Variants in WDPCP observed in about 807,000 individuals in gnomAD.
WDPCP encodes the protein WD repeat-containing and planar cell polarity effector protein fritz homolog.
In WDPCP, 71 loss-of-function variants were observed where a neutral mutation model predicts 93.1. That is an observed-to-expected ratio of 0.76 (90% CI 0.63 to 0.93). WDPCP has a LOEUF of 0.93. WDPCP is among the 40% of genes least tolerant of loss of function. WDPCP has a pLI of 0.00. For synonymous variants in WDPCP, 315 were observed against 315.0 expected, an observed-to-expected ratio of 1.00 and a Z score of 0.00; for missense variants, 844 against 887.4, an observed-to-expected ratio of 0.95 and a Z score of 0.62.
intron 14 of WDPCP, among the ~76,000 whole-genome samples, chr2:63,188,957 G>C (rs996509628): frequency 2.6e-5 from 4 of 152,174 alleles, no homozygotes; most frequent in African/African-American, 9.7e-5. Context: ...ACTGTGACCA[G>C]TCAGGCTGGC....
At chr2:63,735,199 A>G (rs1669621791) in intron 2 of WDPCP, among the ~76,000 whole-genome samples, 1 of 152,216 alleles carries the variant, frequency 6.6e-6, no homozygotes, top group South Asian at 2.1e-4. Flanking sequence ...GATAGCTCCT[A>G]TGATAGAGAT....
intron 6 of WDPCP, among the ~76,000 whole-genome samples, chr2:63,464,678 C>A (rs544245890): frequency 8.6e-4 from 131 of 151,836 alleles, no homozygotes; most frequent in African/African-American, 3.1e-3. Flanking sequence ...ATGTAGATAC[C>A]CATACACTGG....
intron 3 of WDPCP, chr2:63,606,047 AT>A (rs1280226477): frequency 1.9e-6 from 3 of 1,597,084 alleles, no homozygotes; most frequent in Admixed American, 3.3e-5. Context: ...TTTTGGAGCT[AT>A]TTCCCTTCTT....
intron 1 of WDPCP, among the ~76,000 whole-genome samples, chr2:63,559,578 C>A (rs1706424495): frequency 1.3e-5 from 2 of 152,166 alleles, no homozygotes; most frequent in Non-Finnish European, 2.9e-5. Context: ...TGCAAAGTTT[C>A]AAGATACAAA....
At chr2:63,436,090 A>G (rs896594202) in intron 8 of WDPCP, among the ~76,000 whole-genome samples, 1 of 152,090 alleles carries the variant, frequency 6.6e-6, no homozygotes, top group South Asian at 2.1e-4. Flanking sequence ...CCAGAATTTT[A>G]TATATACTTA....
At chr2:63,527,358 TC>T (rs1265262818) in intron 1 of WDPCP, among the ~76,000 whole-genome samples, 1 of 143,222 alleles carries the variant, frequency 7.0e-6, no homozygotes, top group Non-Finnish European at 1.5e-5. Context: ...GTCCTAATGC[TC>T]TCCCTCCCCC....
intron 3 of WDPCP, chr2:63,605,307 A>C: frequency 1.2e-6 from 2 of 1,614,126 alleles, no homozygotes; most frequent in Non-Finnish European, 1.7e-6. Context: ...CGCTGCTGTC[A>C]TCAAGGCTCG....
chr2:63,130,448 C>T (rs1240898646), intron 17 of WDPCP, among the ~76,000 whole-genome samples: 1 of 151,988 alleles, frequency 6.6e-6, no homozygotes, highest in Non-Finnish European at 1.5e-5. Context: ...TTTAGGTTCT[C>T]GATTCTGTTC....
chr2:63,254,512 A>C (rs1052522640), intron 14 of WDPCP, among the ~76,000 whole-genome samples: 1 of 152,140 alleles, frequency 6.6e-6, no homozygotes, highest in African/African-American at 2.4e-5. Flanking sequence ...ATATTAATAT[A>C]AACTTTAAAA....
Position 63,350,976 on chromosome 2 carries a change from T to TTTATTATTATTA in WDPCP, c.1748+27398_1748+27409dup, listed in dbSNP as rs3048702. Among the ~76,000 whole-genome samples the TTTATTATTATTA allele has an allele frequency of 2.0e-5, 3 of 147,900 alleles. No homozygotes were observed. The South Asian group carries it at 6.5e-4, about 32-fold the overall frequency. On this transcript the variant is annotated intron_variant, in intron 12 of 17. Transcript: ENST00000272321. ...TAATTTTATTAAATATCAACATTTATTTATTATTATTATTATTATTATTGA... is the reference window on the plus strand; with the variant it reads ...TAATTTTATTAAATATCAACATTTATTTATTATTATTATTATTATTATTATTATTATTATTGA...
intron 2 of WDPCP, among the ~76,000 whole-genome samples, chr2:63,721,957 C>T (rs960617923): frequency 1.8e-4 from 27 of 152,284 alleles, no homozygotes; most frequent in African/African-American, 6.5e-4. Flanking sequence ...TCTCCAGCCC[C>T]TAACCGCAAG....
chr2:63,147,439 T>C lies in WDPCP; in HGVS notation c.2190+5475A>G, dbSNP rs1418950989. 2.6e-5 allele frequency among the ~76,000 whole-genome samples: 4 copies of C among 152,110 alleles called. No individual in the cohort carries two copies. In the East Asian group the frequency reaches 7.7e-4, roughly 29 times the overall value. ...TTGGTTGGATTAATTGTAAGTGGGT[T>C]ATAGAGAATCAAGAACGACAGAGAC... On this transcript the variant is annotated intron_variant, in intron 17 of 17. Transcript: ENST00000272321.
chr2:63,572,423 C>T (rs533887288), intron 1 of WDPCP, among the ~76,000 whole-genome samples: 76 of 152,058 alleles, frequency 5.0e-4, no homozygotes, highest in African/African-American at 1.7e-3. Context: ...GGACAGTAGG[C>T]GGGGCATGGT....
At chr2:63,780,989 A>G (rs1197553150) in intron 2 of WDPCP, among the ~76,000 whole-genome samples, 1 of 152,180 alleles carries the variant, frequency 6.6e-6, no homozygotes, top group Non-Finnish European at 1.5e-5. Context: ...CACTTCAGAA[A>G]TGGATGGAAT....
chr2:63,251,351 T>C (rs1680698382), intron 14 of WDPCP, among the ~76,000 whole-genome samples: 1 of 151,890 alleles, frequency 6.6e-6, no homozygotes, highest in African/African-American at 2.4e-5. Flanking sequence ...TGAATGCACA[T>C]GAACTAGAAA....
intron 13 of WDPCP, among the ~76,000 whole-genome samples, chr2:63,294,686 T>A (rs1684712650): frequency 6.6e-6 from 1 of 151,950 alleles, no homozygotes; most frequent in Non-Finnish European, 1.5e-5. Context: ...AAGGGAGTCC[T>A]GTAGGGTGAA....
chr2:63,237,960 C>T (rs1186033111), intron 14 of WDPCP, among the ~76,000 whole-genome samples: 4 of 150,918 alleles, frequency 2.7e-5, no homozygotes, highest in Non-Finnish European at 5.9e-5. Context: ...CCTGTACATG[C>T]ATTCCCCTAG....
intron 6 of WDPCP, among the ~76,000 whole-genome samples, chr2:63,460,606 A>G (rs1352659438): frequency 6.6e-6 from 1 of 152,200 alleles, no homozygotes; most frequent in African/African-American, 2.4e-5. Flanking sequence ...TAAATTATGT[A>G]TCAATAAAAG....
intron 3 of WDPCP, among the ~76,000 whole-genome samples, chr2:63,645,232 T>A (rs1299478212): frequency 6.6e-6 from 1 of 152,184 alleles, no homozygotes; most frequent in Admixed American, 6.5e-5. Context: ...AGAAATGCTT[T>A]ATTTTCTTCC....
Sources: allele counts gnomAD v4.1 joint callset (sites outside exome capture counted in the v4.1 genomes callset), GRCh38; gene constraint gnomAD v4.1.1; transcripts MANE v1.5; gene names NCBI Gene and HGNC (gene_info 2026-07-23, HGNC 2026-07-21).